The following ATG7 variants were observed in gnomAD, a reference collection of about 807,000 sequenced individuals.
ATG7 encodes ubiquitin-like modifier-activating enzyme ATG7.
Under a neutral mutation model 82.4 loss-of-function variants are expected in ATG7, and 70 were observed. The observed-to-expected ratio is 0.85, with a 90% CI of 0.70 to 1.04. ATG7 has a LOEUF of 1.04. Among genes scored for constraint, ATG7 ranks in the 50% least tolerant of loss-of-function variants. ATG7 has a pLI of 0.00. For missense variants in ATG7, 792 were observed against 864.3 expected (o/e 0.92, Z 1.05); for synonymous variants, 287 against 313.0 (o/e 0.92, Z 0.88).
intron 20 of ATG7, among the ~76,000 whole-genome samples, chr3:11,432,633 C>T (rs1559612568): frequency 6.6e-6 from 1 of 151,894 alleles, no homozygotes; most frequent in Non-Finnish European, 1.5e-5. Context: ...CACCTGTACC[C>T]CAGAAACTAT....
At chr3:11,274,096 C>T (rs1390614011) in intron 1 of ATG7, among the ~76,000 whole-genome samples, 3 of 152,146 alleles carry the variant, frequency 2.0e-5, no homozygotes, top group African/African-American at 7.2e-5. Context: ...CCAACTCCTT[C>T]CTGCCCTCAT....
intron 20 of ATG7, among the ~76,000 whole-genome samples, chr3:11,428,810 G>T (rs183225765): frequency 3.9e-5 from 6 of 152,320 alleles, no homozygotes. Flanking sequence ...TTAGCTAGAA[G>T]AATTTCAACC....
At chr3:11,330,294 T>C (rs1951463823) in intron 9 of ATG7, among the ~76,000 whole-genome samples, 2 of 152,238 alleles carry the variant, frequency 1.3e-5, no homozygotes, top group African/African-American at 4.8e-5. Flanking sequence ...TATTTGCTTA[T>C]ATAGTTTGGA....
At chr3:11,403,050 A>G (rs570403519) in intron 19 of ATG7, among the ~76,000 whole-genome samples, 2 of 152,350 alleles carry the variant, frequency 1.3e-5, no homozygotes, top group African/African-American at 4.8e-5. Context: ...AGTGATTACA[A>G]CGTTGAATAG....
intron 20 of ATG7, among the ~76,000 whole-genome samples, chr3:11,490,188 T>C (rs915541643): frequency 6.6e-6 from 1 of 152,220 alleles, no homozygotes; most frequent in African/African-American, 2.4e-5. Flanking sequence ...ATATTTACGA[T>C]AGTTAGCTCT....
At chr3:11,370,450 TG>T (rs2076920021) in intron 18 of ATG7, among the ~76,000 whole-genome samples, 1 of 151,270 alleles carries the variant, frequency 6.6e-6, no homozygotes, top group South Asian at 2.1e-4. Context: ...ATTTTGGCAT[TG>T]AACTTGATTA....
At chr3:11,411,427 C>T (rs1018075830) in intron 19 of ATG7, among the ~76,000 whole-genome samples, 2 of 151,834 alleles carry the variant, frequency 1.3e-5, no homozygotes, top group African/African-American at 4.8e-5. Context: ...AGATGGAGAC[C>T]ATCCTGGCCA....
At chr3:11,537,038 G>A (rs1051406049) in intron 20 of ATG7, among the ~76,000 whole-genome samples, 8 of 151,898 alleles carry the variant, frequency 5.3e-5, no homozygotes, top group African/African-American at 1.2e-4. Context: ...GCCCCTCTCC[G>A]CGGACCCTCT....
At chr3:11,541,415 G>C (rs1250698903) in intron 20 of ATG7, among the ~76,000 whole-genome samples, 2 of 152,118 alleles carry the variant, frequency 1.3e-5, no homozygotes, top group African/African-American at 4.8e-5. Flanking sequence ...CTGTATTCCT[G>C]GTTATCCTCA....
intron 18 of ATG7, among the ~76,000 whole-genome samples, chr3:11,374,643 C>T (rs1005205422): frequency 1.3e-5 from 2 of 152,036 alleles, no homozygotes; most frequent in Non-Finnish European, 2.9e-5. Context: ...TGGTGGCTCA[C>T]GCCTGTAATC....
At chr3:11,575,773 AG>A in the ATG7 span, among the ~76,000 whole-genome samples, 1 of 152,180 alleles carries the variant, frequency 6.6e-6, no homozygotes, top group African/African-American at 2.4e-5. Flanking sequence ...TGAGGCGTAA[AG>A]TCAGAGCAAA....
intron 5 of ATG7, among the ~76,000 whole-genome samples, chr3:11,302,810 C>T (rs1011910202): frequency 9.2e-5 from 14 of 152,212 alleles, no homozygotes; most frequent in Admixed American, 7.9e-4. Flanking sequence ...GTCTCTTCTA[C>T]TCTGTGCCCC....
At chr3:11,519,807 C>T (rs1245290131) in intron 20 of ATG7, among the ~76,000 whole-genome samples, 3 of 152,008 alleles carry the variant, frequency 2.0e-5, no homozygotes, top group Non-Finnish European at 4.4e-5. Flanking sequence ...GTGATCCGCC[C>T]ACCTCGGCCT....
chr3:11,361,182 T>C (rs1311610968), intron 16 of ATG7, among the ~76,000 whole-genome samples: 1 of 152,160 alleles, frequency 6.6e-6, no homozygotes, highest in Non-Finnish European at 1.5e-5. Flanking sequence ...TCTCTTAGGT[T>C]CCCTCTACCT....
chr3:11,431,681 A>C (rs1157457522), intron 20 of ATG7, among the ~76,000 whole-genome samples: 1 of 152,184 alleles, frequency 6.6e-6, no homozygotes, highest in African/African-American at 2.4e-5. Context: ...AATGTTTTTA[A>C]GGTTTATTCA....
At chr3:11,575,321 G>C in the ATG7 span, among the ~76,000 whole-genome samples, 6 of 152,268 alleles carry the variant, frequency 3.9e-5, no homozygotes, top group Admixed American at 1.3e-4. Context: ...CTGCGCCAAG[G>C]GTTTCCAGTC....
chr3:11,544,201 C>G (rs369603674), intron 20 of ATG7, among the ~76,000 whole-genome samples: 1 of 152,168 alleles, frequency 6.6e-6, no homozygotes, highest in South Asian at 2.1e-4. Flanking sequence ...GCCCCAGGTC[C>G]CCATGCTGCG....
intron 19 of ATG7, among the ~76,000 whole-genome samples, chr3:11,383,828 A>T (rs1334887960): frequency 6.6e-6 from 1 of 152,254 alleles, no homozygotes; most frequent in Admixed American, 6.5e-5. Flanking sequence ...CCATACTACT[A>T]CAGAAAATAA....
At chr3:11,295,312 C>T (rs974827106) in intron 3 of ATG7, among the ~76,000 whole-genome samples, 7 of 152,164 alleles carry the variant, frequency 4.6e-5, no homozygotes, top group Admixed American at 4.6e-4. Context: ...CTCATTCCTT[C>T]TGTTTGCTTT....
Sources: gnomAD v4.1 joint callset for allele counts (sites outside exome capture counted in the v4.1 genomes callset) on GRCh38, gnomAD v4.1.1 for gene constraint, MANE v1.5 for transcripts, NCBI Gene and HGNC (gene_info 2026-07-23, HGNC 2026-07-21) for gene names.